ORC6: variants seen among roughly 807,000 people sequenced by gnomAD.
ORC6 encodes origin recognition complex, subunit 6 homolog-like (yeast).
ORC6 carries 31 observed loss-of-function variants against 30.0 expected under a neutral mutation model. That is an observed-to-expected ratio of 1.03 (90% confidence interval 0.78 to 1.40). ORC6 has a LOEUF of 1.40. Ranked by LOEUF, ORC6 falls within the 40% of genes most tolerant of loss-of-function variation. The pLI, the probability that ORC6 is intolerant of heterozygous loss-of-function variation, is 0.00. For missense variants in ORC6, 340 were observed against 304.3 expected (o/e 1.12, Z -0.87); for synonymous variants, 136 against 111.2 (o/e 1.22, Z -1.40).
intron 4 of ORC6, chr16:46,695,183 A>G: frequency 4.3e-6 from 1 of 232,298 alleles, no homozygotes; most frequent in Admixed American, 5.2e-5. Context: ...GTTTATTTTC[A>G]GGGTGGGGTG....
At position 46,691,077 on chromosome 16, in the gene ORC6, G is replaced by A. The variant is rs1488105426; in HGVS notation, c.152G>A (p.Cys51Tyr). 6.2e-7 allele frequency: 1 copy of A among 1,614,208 alleles called. No individual in the cohort carries two copies. The highest frequency in any genetic ancestry group is 1.7e-5 in the Admixed American group (1 of 60,030). Residue 51 changes from cysteine (C) to tyrosine (Y), a missense_variant, in exon 2 of 7, where the codon TGC becomes TAC. Cys to Tyr is a radical substitution (Grantham distance 194). Coordinates refer to ENST00000219097, the MANE Select transcript of ORC6 (RefSeq NM_014321.4). ...ACGGAGACCAGCAGTGCAGTCATGTGCCTGGACCTTGCAGCTTCCTGGATG... is the reference window on the plus strand; with the variant it reads ...ACGGAGACCAGCAGTGCAGTCATGTACCTGGACCTTGCAGCTTCCTGGATG... ...RTTETSSAVM[C>Y]LDLAASWMKC...
At chr16:46,693,215 C>A (rs1344835384) in intron 4 of ORC6, 33 bp downstream of exon 4, 2 of 1,432,332 alleles carry the variant, frequency 1.4e-6, no homozygotes, top group Non-Finnish European at 2.0e-6. Context: ...AGAAAAGTTA[C>A]CAATTTACAA....
chr16:46,697,696 CTGT>C lies in ORC6; in HGVS notation c.*114_*116del. 8.2e-7 allele frequency: 1 copy of C among 1,226,668 alleles called. No individual in the cohort carries two copies. The highest frequency in any genetic ancestry group is 2.4e-5 in the East Asian group (1 of 41,338). The allele number at this position is 1,226,668 out of a possible 1,614,324, so 76.0% of individuals were successfully genotyped here. ...AACTTTTATAATAAGGATCCTAAGA[CTGT>C]TGCCTTTAAATAGCAAAGCAGCCTA... On this transcript the variant is annotated 3_prime_UTR_variant, in exon 7 of 7. Transcript: ENST00000219097.
At chr16:46,696,248 G>A (rs374005233) in intron 6 of ORC6, 163 bp downstream of exon 6, 11 of 676,556 alleles carry the variant, frequency 1.6e-5, no homozygotes, top group East Asian at 5.5e-5. Flanking sequence ...AAGTAACATC[G>A]TTATTGGGTA....
chr16:46,694,447 C>T (rs1272945629), intron 4 of ORC6: 3 of 136,158 alleles, frequency 2.2e-5, no homozygotes, highest in Non-Finnish European at 4.8e-5. Context: ...CGGGCAGAGG[C>T]GCCCCTCACC....
intron 4 of ORC6, chr16:46,693,639 G>GAAA: frequency 7.1e-6 from 1 of 141,614 alleles, no homozygotes; most frequent in Non-Finnish European, 1.5e-5. Context: ...AATCTCTTAA[G>GAAA]AAAAAAAAAA....
intron 6 of ORC6, chr16:46,696,358 CCAGCCTGGG>C: frequency 2.0e-6 from 1 of 499,368 alleles, no homozygotes; most frequent in Admixed American, 3.3e-5. Flanking sequence ...GAGTGCGAGA[CCAGCCTGGG>C]CAGCTACAGC....
chr16:46,690,931 A>C, intron 1 of ORC6, 60 bp from the exon 2 acceptor site: 1 of 1,591,254 alleles, frequency 6.3e-7, no homozygotes, highest in Non-Finnish European at 8.6e-7. Flanking sequence ...TTCATTGTTT[A>C]CCAACGTGTT....
At chr16:46,697,373 T>G (rs1215098438) in intron 6 of ORC6, 85 bp from the exon 7 acceptor site, 1 of 1,245,528 alleles carries the variant, frequency 8.0e-7, no homozygotes, top group African/African-American at 1.5e-5. Flanking sequence ...TTTTCTATTT[T>G]AGACAATTTA....
In ORC6 at chr16:46,698,167, A is replaced by AGATGGATAGATAGATG. The variant is rs1596738238; in HGVS notation, c.*585_*586insGGATAGATAGATGGAT. 1 of 402,504 alleles carries AGATGGATAGATAGATG rather than the reference A, an allele frequency of 2.5e-6. No individual in the cohort carries two copies. The highest frequency in any genetic ancestry group is 5.1e-6 in the Non-Finnish European group (1 of 196,876). 24.9% of individuals were successfully genotyped at this position (402,504 alleles called of 1,614,324 possible). On this transcript the variant is annotated 3_prime_UTR_variant, in exon 7 of 7. Transcript: ENST00000219097. ...GGGTGACAGAGCGAGACTTATAGATAGATAGATAGATAGATGGATAGATAG... is the reference window on the plus strand; with the variant it reads ...GGGTGACAGAGCGAGACTTATAGATAGATGGATAGATAGATGGATAGATAGATAGATGGATAGATAG...
At position 46,695,628 on chromosome 16, in the gene ORC6, TG is replaced by T. The variant is rs1407002608; in HGVS notation, c.517del (p.Asp173IlefsTer7). ...CATCCGGTGTAAAAAAAGCTATATT[TG>T]ATCGACTGTGTAAACAACTAGAGAA... ...ATSGVKKAIF[D>X]RLCKQLEKIG... is the part of the protein sequence containing the mutation. On this transcript the variant is annotated frameshift_variant, in exon 5 of 7. Coordinates refer to ENST00000219097, the MANE Select transcript of ORC6 (RefSeq NM_014321.4). LOFTEE classifies it high-confidence loss of function. The T allele has an allele frequency of 6.2e-7, 1 of 1,613,782 alleles. No homozygotes were observed. Among genetic ancestry groups the T allele is most frequent in the South Asian group, 1.1e-5 (1 of 91,084 alleles).
At chr16:46,691,199 A>T in intron 2 of ORC6, 79 bp downstream of exon 2, 4 of 1,352,986 alleles carry the variant, frequency 3.0e-6, no homozygotes, top group Non-Finnish European at 4.2e-6. Flanking sequence ...ACTAAACCCT[A>T]GTAAAAACTC....
At position 46,695,577 on chromosome 16, in the gene ORC6, A is replaced by G. The variant is rs764781649; in HGVS notation, c.465A>G (p.Lys155=). 1 of 1,611,874 alleles carries G rather than the reference A, an allele frequency of 6.2e-7. No individual in the cohort carries two copies. The highest frequency in any genetic ancestry group is 8.5e-7 in the Non-Finnish European group (1 of 1,177,952). ...LLSACKILKL[K]VDKNKMVATS... Reference sequence around the variant, plus strand: ...TGTTTTGTAGGATTCTAAAGCTGAAAGTGGATAAAAACAAAATGGTAGCCA... The same window carrying G: ...TGTTTTGTAGGATTCTAAAGCTGAAGGTGGATAAAAACAAAATGGTAGCCA... The change falls in exon 5 of 7, where the codon AAA becomes AAG. Residue 155 remains lysine (K), a synonymous_variant. Coordinates refer to ENST00000219097, the MANE Select transcript of ORC6 (RefSeq NM_014321.4).
intron 6 of ORC6, 181 bp downstream of exon 6, chr16:46,696,266 A>G (rs1966516732): frequency 1.5e-6 from 1 of 649,942 alleles, no homozygotes; most frequent in South Asian, 1.7e-5. Flanking sequence ...GTAATTAAGA[A>G]TATGGCTGGT....
At chr16:46,696,666 C>G (rs1966521129) in intron 6 of ORC6, among the ~76,000 whole-genome samples, 1 of 151,984 alleles carries the variant, frequency 6.6e-6, no homozygotes, top group Non-Finnish European at 1.5e-5. Flanking sequence ...TTTGGTTTCT[C>G]TTTTTCTGAG....
intron 1 of ORC6, 111 bp downstream of exon 1, chr16:46,689,881 C>T (rs1252582702): frequency 1.4e-6 from 2 of 1,421,804 alleles, no homozygotes; most frequent in Admixed American, 2.9e-5. Context: ...TGACGGGGAG[C>T]GCTGGGGCCG....
At chr16:46,695,354 T>A in intron 4 of ORC6, 1 of 567,414 alleles carries the variant, frequency 1.8e-6, no homozygotes, top group Non-Finnish European at 3.1e-6. Flanking sequence ...CCTTTTGTTA[T>A]AAAATAGATC....
chr16:46,697,560 G>C lies in ORC6; in HGVS notation c.734G>C (p.Ser245Thr). The change falls in exon 7 of 7, where the codon AGT becomes ACT. Residue 245 changes from serine to threonine, a missense_variant. By Grantham distance (58) the Ser-to-Thr change is moderately conservative (BLOSUM62 1). Coordinates refer to ENST00000219097, the MANE Select transcript of ORC6 (RefSeq NM_014321.4). Reference sequence around the variant, plus strand: ...AGAAAAATTTTGGAAAATGCTGCCAGTGCTCAAAAGGCTACAGCAGAGTGA... The same window carrying C: ...AGAAAAATTTTGGAAAATGCTGCCACTGCTCAAAAGGCTACAGCAGAGTGA... ...WKRKILENAA[S>T]AQKATAE 2 of 1,614,116 alleles carry C rather than the reference G, an allele frequency of 1.2e-6. No homozygotes were observed. The highest frequency in any genetic ancestry group is 1.7e-6 in the Non-Finnish European group (2 of 1,179,960).
chr16:46,694,466 G>C (rs1421953779), intron 4 of ORC6: 2 of 141,800 alleles, frequency 1.4e-5, no homozygotes, highest in Non-Finnish European at 3.1e-5. Context: ...CCTCCCGGAC[G>C]GGGCGGCTGG....
Sources: gnomAD v4.1 joint callset for allele counts (sites outside exome capture counted in the v4.1 genomes callset) on GRCh38, gnomAD v4.1.1 for gene constraint, MANE v1.5 for transcripts, NCBI Gene and HGNC (gene_info 2026-07-23, HGNC 2026-07-21) for gene names.